DPP10: variants seen among roughly 807,000 people sequenced by gnomAD.
DPP10 encodes the protein inactive dipeptidyl peptidase 10.
Under a neutral mutation model 120.9 loss-of-function variants are expected in DPP10, and 33 were observed. That is an observed-to-expected ratio of 0.27 (90% confidence interval 0.21 to 0.37). The LOEUF (loss-of-function observed/expected upper bound fraction) is 0.37. DPP10 is among the 10% of genes least tolerant of loss of function. The probability of loss-of-function intolerance (pLI) is 1.00; values close to 1 mark genes in which losing one functional copy is unlikely to be tolerated. For synonymous variants in DPP10, 337 were observed against 326.1 expected (o/e 1.03, Z -0.36); for missense variants, 816 against 942.8 (o/e 0.87, Z 1.76).
chr2:114,655,901 T>G (rs542828774), intron 1 of DPP10, among the ~76,000 whole-genome samples: 1 of 152,132 alleles, frequency 6.6e-6, no homozygotes, highest in Non-Finnish European at 1.5e-5. Flanking sequence ...GGGACCTAAT[T>G]CTGTCAAAGA....
intron 1 of DPP10, among the ~76,000 whole-genome samples, chr2:114,897,781 A>G (rs902961067): frequency 9.2e-5 from 14 of 152,218 alleles, no homozygotes; most frequent in African/African-American, 3.4e-4. Context: ...AGAAATGCAA[A>G]TCAAAACCAC....
chr2:115,221,124 G>T (rs2057133658), intron 1 of DPP10, among the ~76,000 whole-genome samples: 1 of 151,918 alleles, frequency 6.6e-6, no homozygotes, highest in Non-Finnish European at 1.5e-5. Flanking sequence ...TGTAGATGTT[G>T]CAGTTGTTAG....
chr2:115,692,525 G>C (rs1182454160), intron 7 of DPP10, among the ~76,000 whole-genome samples: 1 of 151,938 alleles, frequency 6.6e-6, no homozygotes, highest in Non-Finnish European at 1.5e-5. Context: ...GAATTCAAAT[G>C]TTTTATACCT....
intron 3 of DPP10, among the ~76,000 whole-genome samples, chr2:115,391,943 C>T (rs1339928151): frequency 6.6e-6 from 1 of 152,046 alleles, no homozygotes; most frequent in African/African-American, 2.4e-5. Context: ...TTACCAGAAC[C>T]TCAGCATTCT....
intron 3 of DPP10, among the ~76,000 whole-genome samples, chr2:115,392,435 AC>A (rs1221685605): frequency 3.3e-5 from 5 of 150,660 alleles, no homozygotes; most frequent in Non-Finnish European, 7.4e-5. Flanking sequence ...TAGAGTTCTT[AC>A]TTTTTCATTT....
At chr2:115,672,031 T>G (rs1368349421) in intron 5 of DPP10, among the ~76,000 whole-genome samples, 1 of 152,232 alleles carries the variant, frequency 6.6e-6, no homozygotes, top group South Asian at 2.1e-4. Context: ...TAGATGAGAT[T>G]GTCTACCATC....
intron 21 of DPP10, among the ~76,000 whole-genome samples, chr2:115,834,489 A>G (rs1689245000): frequency 6.8e-6 from 1 of 146,748 alleles, no homozygotes; most frequent in Non-Finnish European, 1.5e-5. Context: ...TCTAAAACAG[A>G]TAGCTCAGTA....
At chr2:114,500,613 A>C (rs1236134257) in intron 1 of DPP10, among the ~76,000 whole-genome samples, 2 of 152,306 alleles carry the variant, frequency 1.3e-5, no homozygotes, top group African/African-American at 4.8e-5. Context: ...TCTTCAGATG[A>C]CAGGGGCCTT....
intron 3 of DPP10, among the ~76,000 whole-genome samples, chr2:115,494,008 G>A (rs2076264759): frequency 6.6e-6 from 1 of 152,032 alleles, no homozygotes; most frequent in African/African-American, 2.4e-5. Context: ...GGGTACAGTG[G>A]TGCAACATTG....
intron 19 of DPP10, among the ~76,000 whole-genome samples, chr2:115,805,225 C>T (rs6734757): frequency 0.26 from 39,893 of 151,956 alleles, 5,594 homozygotes; most frequent in Middle Eastern, 0.44. Context: ...TAGGACCCTC[C>T]CAGCCAGGTG....
chr2:114,793,199 A>G (rs1410182618), intron 1 of DPP10, among the ~76,000 whole-genome samples: 1 of 152,048 alleles, frequency 6.6e-6, no homozygotes, highest in East Asian at 1.9e-4. Flanking sequence ...GCAGAACGTG[A>G]AGCCTTGTCA....
chr2:115,766,775 G>T (rs891825527), intron 12 of DPP10, among the ~76,000 whole-genome samples: 1 of 152,110 alleles, frequency 6.6e-6, no homozygotes, highest in Non-Finnish European at 1.5e-5. Flanking sequence ...AACACTTCAC[G>T]TGGCCTGAGA....
chr2:114,974,707 G>A (rs770426744), intron 1 of DPP10, among the ~76,000 whole-genome samples: 1 of 151,816 alleles, frequency 6.6e-6, no homozygotes, highest in Non-Finnish European at 1.5e-5. Context: ...GCACCCAGCC[G>A]GGATATAAGC....
chr2:115,535,124 C>T (rs987353288), intron 5 of DPP10, among the ~76,000 whole-genome samples: 105 of 151,884 alleles, frequency 6.9e-4, no homozygotes, highest in Non-Finnish European at 1.2e-3. Flanking sequence ...TAATTAGATC[C>T]CATTTGTCAA....
chr2:114,717,783 GA>G (rs1401419048), intron 1 of DPP10, among the ~76,000 whole-genome samples: 5 of 152,272 alleles, frequency 3.3e-5, no homozygotes, highest in African/African-American at 9.6e-5. Context: ...TAGGATTAGA[GA>G]AAACAGTACT....
intron 3 of DPP10, among the ~76,000 whole-genome samples, chr2:115,405,375 A>G (rs2068430217): frequency 6.6e-6 from 1 of 152,150 alleles, no homozygotes; most frequent in South Asian, 2.1e-4. Context: ...AAGACCTCGG[A>G]CAGGCCCACC....
intron 1 of DPP10, among the ~76,000 whole-genome samples, chr2:114,821,001 C>A (rs983224221): frequency 6.6e-6 from 1 of 152,018 alleles, no homozygotes; most frequent in East Asian, 1.9e-4. Flanking sequence ...GTTTAATATG[C>A]AAGAAGGAAG....
chr2:115,806,577 C>G (rs991746271), intron 19 of DPP10, among the ~76,000 whole-genome samples: 1 of 152,150 alleles, frequency 6.6e-6, no homozygotes, highest in African/African-American at 2.4e-5. Flanking sequence ...CTGAAGGTGT[C>G]ATGATGCCCT....
At chr2:115,229,540 C>T (rs1312872571) in intron 1 of DPP10, among the ~76,000 whole-genome samples, 1 of 151,980 alleles carries the variant, frequency 6.6e-6, no homozygotes, top group Admixed American at 6.6e-5. Context: ...AGTCTTTTAT[C>T]CATGTTTATT....
Sources: gnomAD v4.1 joint callset for allele counts (sites outside exome capture counted in the v4.1 genomes callset) on GRCh38, gnomAD v4.1.1 for gene constraint, MANE v1.5 for transcripts, NCBI Gene and HGNC (gene_info 2026-07-23, HGNC 2026-07-21) for gene names.